COMMD7: variants seen among roughly 807,000 people sequenced by gnomAD.
The protein encoded by COMMD7 is COMM domain containing 7, also known as COMM domain-containing protein 7.
Under a neutral mutation model 34.8 loss-of-function variants are expected in COMMD7, and 28 were observed. That is an observed-to-expected ratio of 0.80 (90% CI 0.60 to 1.10). The LOEUF is 1.10. Ranked by LOEUF, COMMD7 falls within the 50% of genes least tolerant of loss-of-function variation. The pLI is 0.00. For missense variants in COMMD7, 211 were observed against 241.6 expected (o/e 0.87, Z 0.84); for synonymous variants, 80 against 86.4 (o/e 0.93, Z 0.41).
chr20:32,711,385 A>G (rs1984436468), intron 3 of COMMD7, among the ~76,000 whole-genome samples: 1 of 145,106 alleles, frequency 6.9e-6, no homozygotes, highest in East Asian at 2.0e-4. Flanking sequence ...CGACGGAGTG[A>G]GACTCTGTCT....
intron 1 of COMMD7, among the ~76,000 whole-genome samples, chr20:32,729,745 A>T (rs1985728071): frequency 6.6e-6 from 1 of 151,912 alleles, no homozygotes; most frequent in African/African-American, 2.4e-5. Flanking sequence ...AGTGGCTCAC[A>T]CCTGTAATCC....
intron 3 of COMMD7, among the ~76,000 whole-genome samples, chr20:32,711,835 TG>T (rs2145722637): frequency 1.6e-5 from 1 of 61,486 alleles, no homozygotes; most frequent in South Asian, 6.5e-4. Flanking sequence ...TCTTGGAGGG[TG>T]GGGTGGGGGG....
At chr20:32,706,791 G>A in intron 3 of COMMD7, 31 bp from the exon 4 acceptor site, 2 of 1,587,714 alleles carry the variant, frequency 1.3e-6, no homozygotes, top group Non-Finnish European at 1.7e-6. Context: ...CAGTTAGAAA[G>A]GCAGACCAGT....
intron 3 of COMMD7, among the ~76,000 whole-genome samples, chr20:32,714,957 C>T (rs1308457101): frequency 6.6e-6 from 1 of 151,818 alleles, no homozygotes; most frequent in African/African-American, 2.4e-5. Context: ...TTGCAGTGAG[C>T]CGAGACTGCA....
chr20:32,704,342 G>T lies in COMMD7; in HGVS notation c.477+98C>A, dbSNP rs148450745. On this transcript the variant is annotated intron_variant, in intron 7 of 8. Coordinates refer to ENST00000278980, the MANE Select transcript of COMMD7 (RefSeq NM_053041.3). The stretch of plus-strand genomic sequence containing the variant: ...GCTCTGAGATATATAAGGTACTTCA[G>T]TAAAACATCCATTTAAATATCCATT... 513 of 1,188,406 alleles carry T rather than the reference G, an allele frequency of 4.3e-4. 1 individual carries two copies. In the African/African-American group the frequency reaches 7.0e-3, roughly 16 times the overall value. The allele number at this position is 1,188,406 out of a possible 1,614,324, so 73.6% of individuals were successfully genotyped here.
At chr20:32,727,592 G>A (rs1470576366) in intron 3 of COMMD7, among the ~76,000 whole-genome samples, 1 of 149,614 alleles carries the variant, frequency 6.7e-6, no homozygotes, top group East Asian at 2.0e-4. Flanking sequence ...TGCTATAAAA[G>A]GTTCCAAATG....
At chr20:32,732,834 G>T (rs985819753) in intron 1 of COMMD7, among the ~76,000 whole-genome samples, 2 of 151,804 alleles carry the variant, frequency 1.3e-5, no homozygotes, top group Non-Finnish European at 2.9e-5. Context: ...TACTCGGGAG[G>T]CTGAGGCAGG....
At chr20:32,737,994 T>C (rs971861192) in intron 1 of COMMD7, among the ~76,000 whole-genome samples, 3 of 152,178 alleles carry the variant, frequency 2.0e-5, no homozygotes, top group African/African-American at 4.8e-5. Context: ...GAATCTTTTT[T>C]TATTCTCCAA....
At chr20:32,727,741 G>C (rs1037719329) in intron 3 of COMMD7, 152 bp downstream of exon 3, 201 of 652,158 alleles carry the variant, frequency 3.1e-4, no homozygotes, top group Non-Finnish European at 5.2e-4. Context: ...CACCTGTTAC[G>C]TGGGCTCCCT....
chr20:32,735,228 A>C (rs1373476421), intron 1 of COMMD7, among the ~76,000 whole-genome samples: 1 of 94,748 alleles, frequency 1.1e-5, no homozygotes, highest in African/African-American at 3.6e-5. Flanking sequence ...ACAGCGCGAG[A>C]CTCAAAAAAA....
chr20:32,740,875 G>A (rs1023999659), intron 1 of COMMD7, among the ~76,000 whole-genome samples: 2 of 151,838 alleles, frequency 1.3e-5, no homozygotes, highest in Non-Finnish European at 2.9e-5. Flanking sequence ...AGGGTGCATG[G>A]CTTACGCCTG....
intron 5 of COMMD7, 86 bp from the exon 6 acceptor site, chr20:32,704,990 T>C: frequency 1.0e-6 from 1 of 961,226 alleles, no homozygotes; most frequent in Non-Finnish European, 1.7e-6. Flanking sequence ...ATATTTAGCA[T>C]TGACACAGAT....
intron 3 of COMMD7, 109 bp from the exon 4 acceptor site, chr20:32,706,869 A>C (rs1984114636): frequency 1.3e-6 from 1 of 793,322 alleles, no homozygotes; most frequent in African/African-American, 1.7e-5. Flanking sequence ...GGAACACCCA[A>C]AGACTGGCCA....
intron 8 of COMMD7, 137 bp downstream of exon 8, chr20:32,703,885 GA>G (rs775463839): frequency 1.3e-6 from 2 of 1,555,144 alleles, no homozygotes; most frequent in Non-Finnish European, 1.7e-6. Context: ...TTCAGGAGAG[GA>G]AAGGCAGTGG....
At chr20:32,718,278 C>A (rs1372877016) in intron 3 of COMMD7, among the ~76,000 whole-genome samples, 1 of 151,982 alleles carries the variant, frequency 6.6e-6, no homozygotes, top group Non-Finnish European at 1.5e-5. Flanking sequence ...GTGGCGGGCG[C>A]CTGTGGTCCC....
chr20:32,705,111 G>A (rs1600961492), intron 5 of COMMD7, among the ~76,000 whole-genome samples: 1 of 151,830 alleles, frequency 6.6e-6, no homozygotes, highest in Non-Finnish European at 1.5e-5. Context: ...CAACATTAAT[G>A]TTGTATTTTT....
chr20:32,738,374 G>A (rs1986258777), intron 1 of COMMD7, among the ~76,000 whole-genome samples: 1 of 152,134 alleles, frequency 6.6e-6, no homozygotes, highest in Admixed American at 6.6e-5. Flanking sequence ...AGGTTACAAG[G>A]TCAGGAGTTG....
intron 1 of COMMD7, among the ~76,000 whole-genome samples, chr20:32,733,196 C>G (rs1985941313): frequency 6.6e-6 from 1 of 152,020 alleles, no homozygotes; most frequent in Non-Finnish European, 1.5e-5. Context: ...GCCTGGGCAA[C>G]AGAGTAAGAC....
intron 3 of COMMD7, among the ~76,000 whole-genome samples, chr20:32,714,185 T>G (rs939116770): frequency 6.6e-6 from 1 of 152,104 alleles, no homozygotes; most frequent in African/African-American, 2.4e-5. Context: ...GGGTGGTGCA[T>G]GAGGCTGGCG....
Sources: allele counts gnomAD v4.1 joint callset (sites outside exome capture counted in the v4.1 genomes callset), GRCh38; gene constraint gnomAD v4.1.1; transcripts MANE v1.5; gene names NCBI Gene and HGNC (gene_info 2026-07-23, HGNC 2026-07-21).